The following MRPL42 variants were observed in gnomAD, a reference collection of about 807,000 sequenced individuals.
MRPL42 encodes the protein large ribosomal subunit protein mL42.
A neutral mutation model predicts 17.9 loss-of-function variants in MRPL42; 17 were observed. The observed-to-expected ratio is 0.95, with a 90% CI of 0.65 to 1.42. The LOEUF is 1.42. MRPL42 is among the 40% of genes most tolerant of loss of function. The probability of loss-of-function intolerance (pLI) is 0.00; values close to 1 mark genes in which losing one functional copy is unlikely to be tolerated. For synonymous variants in MRPL42, 59 were observed against 54.4 expected (o/e 1.08, Z -0.37); for missense variants, 177 against 175.2 (o/e 1.01, Z -0.06).
rs889351088 is a variant in MRPL42 at position 93,511,516 on chromosome 12, T to A, written c.*10295T>A. The A allele has an allele frequency of 2.6e-5, 4 of 152,106 alleles. No homozygotes were observed. The highest frequency in any genetic ancestry group is 9.7e-5 in the African/African-American group (4 of 41,446). 9.4% of individuals were successfully genotyped at this position (152,106 alleles called of 1,614,324 possible). On this transcript the variant is annotated 3_prime_UTR_variant, in exon 6 of 6. Coordinates refer to ENST00000549982, the MANE Select transcript of MRPL42 (RefSeq NM_014050.4). Reference sequence around the variant, plus strand: ...GAGACTGTGTGGCAAAGAAAGTACTTCAATTACCAGTTACCAACACACAAC... The same window carrying A: ...GAGACTGTGTGGCAAAGAAAGTACTACAATTACCAGTTACCAACACACAAC...
intron 2 of MRPL42, among the ~76,000 whole-genome samples, chr12:93,474,589 CATG>C (rs1880070999): frequency 6.6e-6 from 1 of 151,552 alleles, no homozygotes. Context: ...TGCATGCCAC[CATG>C]CCCAGTTAAT....
In MRPL42 at chr12:93,470,655, C is replaced by A. The variant is rs1879867243; in HGVS notation, c.70+1300C>A. 9.7e-6 allele frequency: 8 copies of A among 827,554 alleles called. 1 individual carries two copies. In the South Asian group the frequency reaches 1.5e-4, roughly 15 times the overall value. The allele number at this position is 827,554 out of a possible 1,614,324, so 51.3% of individuals were successfully genotyped here. Reference sequence around the variant, plus strand: ...TTGAGTCCCCAGTGTTTATTGTTCCCATCTTTGTGTCCATATGTACCCAAT... The same window carrying A: ...TTGAGTCCCCAGTGTTTATTGTTCCAATCTTTGTGTCCATATGTACCCAAT... On this transcript the variant is annotated intron_variant, in intron 2 of 5. Coordinates refer to ENST00000549982, the MANE Select transcript of MRPL42 (RefSeq NM_014050.4).
chr12:93,472,199 G>T (rs1879942468), intron 2 of MRPL42, among the ~76,000 whole-genome samples: 1 of 152,106 alleles, frequency 6.6e-6, no homozygotes, highest in African/African-American at 2.4e-5. Flanking sequence ...GGTTACCCTA[G>T]AAAATCATTC....
At chr12:93,477,628 G>T (rs1880243872) in intron 3 of MRPL42, among the ~76,000 whole-genome samples, 1 of 151,994 alleles carries the variant, frequency 6.6e-6, no homozygotes, top group African/African-American at 2.4e-5. Context: ...ATGGGGTCTT[G>T]TTCTCTCGCT....
In MRPL42 at chr12:93,476,966, A is replaced by G. The variant is rs759393700; in HGVS notation, c.83A>G (p.Tyr28Cys). 25 of 1,609,478 alleles carry G rather than the reference A, an allele frequency of 1.6e-5. No individual in the cohort carries two copies. In the Admixed American group the frequency reaches 4.2e-4, roughly 27 times the overall value. Residue 28 changes from tyrosine (Y) to cysteine (C), a missense_variant, in exon 3 of 6, where the codon TAT (tyrosine) becomes TGT (cysteine). Transcript: ENST00000549982. The stretch of plus-strand genomic sequence containing the variant: ...GGGGTTTTTGCAGATGGAGCTTTAT[A>G]TTGTGTTTGTCATAAATCTACGTAT... ...HLFPVQNGAL[Y>C]CVCHKSTYSP...
At position 93,478,910 on chromosome 12, in the gene MRPL42, T is replaced by TTTTATTTATTTA. The variant is rs142505304; in HGVS notation, c.135-454_135-443dup. Among the ~76,000 whole-genome samples the TTTTATTTATTTA allele has an allele frequency of 1.1e-3, 97 of 91,486 alleles. 1 individual carries two copies. Among genetic ancestry groups the TTTTATTTATTTA allele is most frequent in the African/African-American group, 2.7e-3 (95 of 34,838 alleles). The allele number at this position is 91,486 out of a possible 152,430, so 60.0% of individuals were successfully genotyped here. On this transcript the variant is annotated intron_variant, in intron 3 of 5. Coordinates refer to ENST00000549982, the MANE Select transcript of MRPL42 (RefSeq NM_014050.4). ...TCAGCAATTTGTGATTAATTTTAGC[T>TTTTATTTATTTA]TTTATTTATTTATTTATTTATTTAT...
intron 4 of MRPL42, among the ~76,000 whole-genome samples, chr12:93,485,007 T>TACACACAC (rs60917887): frequency 2.7e-4 from 13 of 47,758 alleles, no homozygotes; most frequent in African/African-American, 1.4e-3. Flanking sequence ...TATATATATA[T>TACACACAC]ATATATATAT....
chr12:93,473,593 G>A (rs1025011851), intron 2 of MRPL42, among the ~76,000 whole-genome samples: 2 of 151,578 alleles, frequency 1.3e-5, no homozygotes, highest in African/African-American at 2.4e-5. Flanking sequence ...CACCATGCCC[G>A]GCTAATTTTG....
chr12:93,501,427 A>G lies in MRPL42; in HGVS notation c.*206A>G, dbSNP rs1008815030. On this transcript the variant is annotated 3_prime_UTR_variant, in exon 6 of 6. Coordinates refer to ENST00000549982, the MANE Select transcript of MRPL42 (RefSeq NM_014050.4). ...ATTTTCTTTTTTCTTTTTCTATTTT[A>G]GTGTTTCATTTATGTGCGGTCTCCA... 1 of 358,712 alleles carries G rather than the reference A, an allele frequency of 2.8e-6. No individual in the cohort carries two copies. The highest frequency in any genetic ancestry group is 2.1e-5 in the African/African-American group (1 of 47,146). The allele number at this position is 358,712 out of a possible 1,614,324, so 22.2% of individuals were successfully genotyped here.
intron 4 of MRPL42, among the ~76,000 whole-genome samples, chr12:93,485,021 T>TGTACACAC (rs1880669651): frequency 2.1e-5 from 2 of 95,074 alleles, no homozygotes; most frequent in African/African-American, 7.7e-5. Flanking sequence ...TATATATATA[T>TGTACACAC]ATATATAAAC....
rs895144272 is a variant in MRPL42, at chr12:93,507,697, A to G, written c.*6476A>G. 6 of 152,420 alleles carry G rather than the reference A, an allele frequency of 3.9e-5. No homozygotes were observed. Among genetic ancestry groups the G allele is most frequent in the Middle Eastern group, 3.4e-3 (1 of 298 alleles). 9.4% of individuals were successfully genotyped at this position (152,420 alleles called of 1,614,324 possible). A position where few individuals can be genotyped will look rare whatever the true frequency, so the allele number is the denominator to read the frequency against. On this transcript the variant is annotated 3_prime_UTR_variant, in exon 6 of 6. Coordinates refer to ENST00000549982, the MANE Select transcript of MRPL42 (RefSeq NM_014050.4). ...TGGGTTGTTGAGGCTGGCTAGTCCT[A>G]GATGGTGTCACTCATATGTCTGGTA...
At chr12:93,497,005 C>T (rs75519168) in intron 5 of MRPL42, among the ~76,000 whole-genome samples, 35 of 152,150 alleles carry the variant, frequency 2.3e-4, no homozygotes, top group African/African-American at 5.5e-4. Flanking sequence ...CATACAACCT[C>T]GCATGTTTGA....
chr12:93,474,154 CTT>C (rs10538159), intron 2 of MRPL42, among the ~76,000 whole-genome samples: 54,282 of 151,778 alleles, frequency 0.36, 9,964 homozygotes, highest in African/African-American at 0.43. Context: ...ATACTGTTGT[CTT>C]GAGTTTTCTT....
chr12:93,487,972 T>A, intron 5 of MRPL42: 1 of 17,406 alleles, frequency 5.7e-5, no homozygotes, highest in Non-Finnish European at 1.9e-4. Context: ...AATTTTGTTC[T>A]TTTTTTTTTT....
intron 1 of MRPL42, among the ~76,000 whole-genome samples, chr12:93,467,833 C>G (rs1879706569): frequency 1.3e-5 from 2 of 152,164 alleles, no homozygotes; most frequent in South Asian, 4.1e-4. Context: ...TCTTGGTAGC[C>G]TGTTCCTCAA....
At chr12:93,470,385 C>G (rs1879850419) in intron 2 of MRPL42, 4 of 1,060,726 alleles carry the variant, frequency 3.8e-6, no homozygotes, top group Non-Finnish European at 4.8e-6. Flanking sequence ...TTATAGGAAG[C>G]TTTCCATTTC....
rs1431889181 is a variant in MRPL42, at chr12:93,472,024, A to G, written c.70+2669A>G. The stretch of plus-strand genomic sequence containing the variant: ...GTCCCTGAATAATTGAAAATTATTT[A>G]TATATCTTTTTCCCCACTGGATTTC... On this transcript the variant is annotated intron_variant, in intron 2 of 5. Transcript: ENST00000549982. Among the ~76,000 whole-genome samples, 6 of 152,204 alleles carry G rather than the reference A, an allele frequency of 3.9e-5. No individual in the cohort carries two copies. In the East Asian group the frequency reaches 9.6e-4, roughly 24 times the overall value.
intron 1 of MRPL42, 79 bp from the exon 2 acceptor site, chr12:93,469,113 T>G (rs1454299235): frequency 1.9e-6 from 1 of 532,522 alleles, no homozygotes; most frequent in East Asian, 3.2e-5. Flanking sequence ...AGGCAGTGAT[T>G]CTTACCTTGT....
intron 4 of MRPL42, among the ~76,000 whole-genome samples, chr12:93,481,750 A>G (rs1880476510): frequency 3.9e-5 from 6 of 152,114 alleles, no homozygotes; most frequent in Admixed American, 2.0e-4. Flanking sequence ...CCTCCTTCCC[A>G]GTCTAAATTT....
Sources: gnomAD v4.1 joint callset for allele counts (sites outside exome capture counted in the v4.1 genomes callset) on GRCh38, gnomAD v4.1.1 for gene constraint, MANE v1.5 for transcripts, NCBI Gene and HGNC (gene_info 2026-07-23, HGNC 2026-07-21) for gene names.